The following MTCH1 variants were observed in gnomAD, a reference collection of about 807,000 sequenced individuals.
The protein encoded by MTCH1 is mitochondrial carrier 1.
In MTCH1, 23 loss-of-function variants were observed where a neutral mutation model predicts 49.3. The ratio of observed to expected loss-of-function variants is 0.47; its 90% confidence interval spans 0.34 to 0.66. The LOEUF is 0.66. Ranked by LOEUF, MTCH1 falls within the 30% of genes least tolerant of loss-of-function variation. The pLI is 0.01. For missense variants in MTCH1, 397 were observed against 532.1 expected, an observed-to-expected ratio of 0.75 and a Z score of 2.50; for synonymous variants, 229 against 215.2, an observed-to-expected ratio of 1.06 and a Z score of -0.56.
chr6:36,970,531 A>T, intron 9 of MTCH1, 58 bp from the exon 10 acceptor site: 1 of 1,608,258 alleles, frequency 6.2e-7, no homozygotes, highest in Non-Finnish European at 8.5e-7. Context: ...GAGCAGGGAC[A>T]CACCACGCCA....
At chr6:36,975,209 A>G (rs1763828143) in intron 7 of MTCH1, among the ~76,000 whole-genome samples, 1 of 152,264 alleles carries the variant, frequency 6.6e-6, no homozygotes, top group Admixed American at 6.5e-5. Context: ...CATATCTTAA[A>G]TGTTAACGGC....
At chr6:36,981,121 C>A (rs1764069072) in intron 2 of MTCH1, among the ~76,000 whole-genome samples, 1 of 152,158 alleles carries the variant, frequency 6.6e-6, no homozygotes, top group South Asian at 2.1e-4. Context: ...GAGTGAGCAC[C>A]ACTCACTGCC....
At chr6:36,978,020 T>C in intron 4 of MTCH1, 58 bp downstream of exon 4, 1 of 1,453,286 alleles carries the variant, frequency 6.9e-7, no homozygotes, top group Non-Finnish European at 9.7e-7. Context: ...AACTTGGGGG[T>C]GAGAAATCAT....
intron 1 of MTCH1, 37 bp from the exon 2 acceptor site, chr6:36,981,709 C>T: frequency 6.3e-7 from 1 of 1,579,404 alleles, no homozygotes; most frequent in Non-Finnish European, 8.6e-7. Context: ...CGCTCAGAGT[C>T]TCGTGGTGAT....
Position 36,972,691 on chromosome 6 carries a change from G to A in MTCH1, c.867C>T (p.Thr289=), listed in dbSNP as rs370773744. ...TCTGGTCGTTTCCCAGCCCCCCTGG[G>A]GTGTCACTCACGCTGTCATCCACCA... is the stretch of plus-strand genomic sequence containing the variant. ...AYLVDDSVSD[T]PGGLGNDQNP... The change falls in exon 8 of 12, where the codon ACC becomes ACT. Residue 289 remains threonine (T), a synonymous_variant. Transcript: ENST00000373627. This position sits in a 1 kb window ranked among gnomAD's most constrained non-coding sequence, Gnocchi z 4.1. 1.1e-3 allele frequency: 1,671 copies of A among 1,551,664 alleles called. 2 individuals carry two copies. The highest frequency in any genetic ancestry group is 1.3e-3 in the Non-Finnish European group (1,529 of 1,147,006).
chr6:36,982,995 T>C lies in MTCH1; in HGVS notation c.322-1323A>G, dbSNP rs1311360808. ...AGTGGCAAGTTAGAAAGCGCTACCT[T>C]GTAAACTGGATTAGGTATGCTTCCA... On this transcript the variant is annotated intron_variant, in intron 1 of 11. Transcript: ENST00000373627. The surrounding 1 kb of genome is among the most constrained non-coding windows in gnomAD (Gnocchi z 4.1). Among the ~76,000 whole-genome samples the C allele has an allele frequency of 6.6e-6, 1 of 152,226 alleles. No individual in the cohort carries two copies. Among genetic ancestry groups the C allele is most frequent in the Admixed American group, 6.5e-5 (1 of 15,286 alleles).
At position 36,977,973 on chromosome 6, in the gene MTCH1, C is replaced by A; in HGVS notation, c.591+105G>T. ...CCTTACCATCCCACCCATGCATACA[C>A]AAGGACCCAACTCTTCGACTTGTCA... On this transcript the variant is annotated intron_variant, in intron 4 of 11. Transcript: ENST00000373627. This position sits in a 1 kb window ranked among gnomAD's most constrained non-coding sequence, Gnocchi z 5.4. 9.4e-7 allele frequency: 1 copy of A among 1,064,642 alleles called. No individual in the cohort carries two copies. The highest frequency in any genetic ancestry group is 1.5e-6 in the Non-Finnish European group (1 of 688,440). 65.9% of individuals were successfully genotyped at this position (1,064,642 alleles called of 1,614,324 possible).
intron 2 of MTCH1, among the ~76,000 whole-genome samples, chr6:36,980,923 G>A (rs1470418487): frequency 6.6e-6 from 1 of 152,202 alleles, no homozygotes; most frequent in Admixed American, 6.5e-5. Context: ...CAGCAAGGTG[G>A]GCTTCTTGAT....
intron 6 of MTCH1, chr6:36,976,436 C>A: frequency 2.3e-6 from 1 of 433,436 alleles, no homozygotes. Flanking sequence ...CCCTGCCAGG[C>A]CCGGCCCCAC....
chr6:36,983,968 T>A (rs892236712), intron 1 of MTCH1, among the ~76,000 whole-genome samples: 1 of 152,186 alleles, frequency 6.6e-6, no homozygotes, highest in Non-Finnish European at 1.5e-5. Context: ...CACCATCTAG[T>A]TCTTCTCACG....
chr6:36,981,442 C>A, intron 2 of MTCH1, 146 bp downstream of exon 2: 1 of 686,704 alleles, frequency 1.5e-6, no homozygotes. Context: ...CATGTCCTCT[C>A]TGTACACGCT....
At chr6:36,970,849 G>T (rs1763657732) in intron 8 of MTCH1, 155 bp from the exon 9 acceptor site, 2 of 846,352 alleles carry the variant, frequency 2.4e-6, no homozygotes, top group Non-Finnish European at 3.8e-6. Context: ...CCCAGAGAAG[G>T]CCTGGGGGGC....
intron 6 of MTCH1, chr6:36,976,665 T>G: frequency 2.2e-6 from 1 of 453,986 alleles, no homozygotes; most frequent in South Asian, 1.6e-5. Flanking sequence ...GGTGTGTCCT[T>G]CACACATGCC....
chr6:36,984,121 C>T (rs1336308156), intron 1 of MTCH1, among the ~76,000 whole-genome samples: 8 of 152,202 alleles, frequency 5.3e-5, no homozygotes, highest in African/African-American at 1.7e-4. Flanking sequence ...GTATCCTTCA[C>T]TCCACAGACT....
Position 36,968,546 on chromosome 6 carries a change from A to T in MTCH1, c.*357T>A. 2.7e-6 allele frequency: 1 copy of T among 372,196 alleles called. No homozygotes were observed. The highest frequency in any genetic ancestry group is 2.0e-5 in the South Asian group (1 of 48,862). The allele number at this position is 372,196 out of a possible 1,614,324, so 23.1% of individuals were successfully genotyped here. On this transcript the variant is annotated 3_prime_UTR_variant, in exon 12 of 12. Coordinates refer to ENST00000373627, the MANE Select transcript of MTCH1 (RefSeq NM_001271641.2). ...GGCGCTGGGCTGACTGGAGGGGTAGACGGGGTGGGGTCTGACCCCATTAGC... is the reference window on the plus strand; with the variant it reads ...GGCGCTGGGCTGACTGGAGGGGTAGTCGGGGTGGGGTCTGACCCCATTAGC...
chr6:36,984,904 C>T (rs769152916), intron 1 of MTCH1, among the ~76,000 whole-genome samples: 16 of 152,034 alleles, frequency 1.1e-4, no homozygotes, highest in Admixed American at 3.9e-4. Context: ...CGTGCCCCTT[C>T]TCCTCATCTG....
Position 36,986,162 on chromosome 6 carries a change from C to G in MTCH1, c.12G>C (p.Ser4=), listed in dbSNP as rs533263243. 3 of 1,435,154 alleles carry G rather than the reference C, an allele frequency of 2.1e-6. No individual in the cohort carries two copies. The highest frequency in any genetic ancestry group is 3.0e-5 in the African/African-American group (2 of 66,248). The allele number at this position is 1,435,154 out of a possible 1,614,324, so 88.9% of individuals were successfully genotyped here. A position where few individuals can be genotyped will look rare whatever the true frequency, so the allele number is the denominator to read the frequency against. The part of the protein sequence containing the change: MGA[S]DPEVAPWARG... ...GAGCCCAGGGCGCCACTTCCGGGTC[C>G]GAAGCTCCCATGGCGCCCGGCGGCG... Residue 4 remains serine (S), a synonymous_variant, in exon 1 of 12, where the codon TCG becomes TCC. Transcript: ENST00000373627.
rs764333857 is a variant in MTCH1 at position 36,977,005 on chromosome 6, T to A, written c.701+194A>T. Among the ~76,000 whole-genome samples, 22 of 152,178 alleles carry A rather than the reference T, an allele frequency of 1.4e-4. No homozygotes were observed. Among genetic ancestry groups the A allele is most frequent in the Non-Finnish European group, 2.9e-4 (20 of 68,018 alleles). ...TAGGCTCATCTAGGGCTGCCCTTGA[T>A]AAGAGATGACGAAGAGAAAATGACC... On this transcript the variant is annotated intron_variant, in intron 6 of 11. Transcript: ENST00000373627. The surrounding 1 kb of genome is among the most constrained non-coding windows in gnomAD (Gnocchi z 5.4).
chr6:36,976,594 G>C (rs931093913), intron 6 of MTCH1: 12 of 470,690 alleles, frequency 2.5e-5, no homozygotes, highest in African/African-American at 2.4e-4. Flanking sequence ...GGCCCCGCAG[G>C]ACAGCTGCAA....
Sources: gnomAD v4.1 joint callset for allele counts (sites outside exome capture counted in the v4.1 genomes callset) on GRCh38, gnomAD v4.1.1 for gene constraint, Gnocchi (gnomAD v3.1) non-coding constraint, MANE v1.5 for transcripts, NCBI Gene and HGNC (gene_info 2026-07-23, HGNC 2026-07-21) for gene names.